RAP1GDS1: variants seen among roughly 807,000 people sequenced by gnomAD.
RAP1GDS1 encodes the protein RAP1, GTP-GDP dissociation stimulator 1.
In RAP1GDS1, 35 loss-of-function variants were observed where a neutral mutation model predicts 71.1. The ratio of observed to expected loss-of-function variants is 0.49; its 90% confidence interval spans 0.38 to 0.65. The LOEUF is 0.65. RAP1GDS1 is among the 30% of genes least tolerant of loss of function. RAP1GDS1 has a pLI of 0.00. For synonymous variants in RAP1GDS1, 229 were observed against 243.1 expected, an observed-to-expected ratio of 0.94 and a Z score of 0.54; for missense variants, 663 against 706.1, an observed-to-expected ratio of 0.94 and a Z score of 0.69.
At chr4:98,380,306 C>T (rs751637055) in intron 5 of RAP1GDS1, among the ~76,000 whole-genome samples, 1 of 151,664 alleles carries the variant, frequency 6.6e-6, no homozygotes. Flanking sequence ...GGGGAGAAAG[C>T]TGAAATGTCT....
intron 2 of RAP1GDS1, among the ~76,000 whole-genome samples, chr4:98,340,878 G>A (rs1365150940): frequency 6.6e-6 from 1 of 152,074 alleles, no homozygotes; most frequent in Non-Finnish European, 1.5e-5. Context: ...CTTGAGGAGG[G>A]AGGGTGGGAG....
rs1381407188 is a variant in RAP1GDS1, at chr4:98,343,075, A to G, written c.113-64A>G. 3 of 1,470,468 alleles carry G rather than the reference A, an allele frequency of 2.0e-6. No homozygotes were observed. In the African/African-American group the frequency reaches 4.3e-5, roughly 21 times the overall value. 91.1% of individuals were successfully genotyped at this position (1,470,468 alleles called of 1,614,324 possible). On this transcript the variant is annotated intron_variant, in intron 2 of 14. Coordinates refer to ENST00000408927, the MANE Select transcript of RAP1GDS1 (RefSeq NM_001100427.2). Reference sequence around the variant, plus strand: ...AAAATTCTTGAAGAATTTATTGTAGATAATGGTTGTCAGTGTTAGCATTAA... The same window carrying G: ...AAAATTCTTGAAGAATTTATTGTAGGTAATGGTTGTCAGTGTTAGCATTAA...
Position 98,261,529 on chromosome 4 carries a change from G to A in RAP1GDS1, c.-37G>A, listed in dbSNP as rs749483104. 7 of 1,592,798 alleles carry A rather than the reference G, an allele frequency of 4.4e-6. No individual in the cohort carries two copies. The highest frequency in any genetic ancestry group is 6.0e-6 in the Non-Finnish European group (7 of 1,168,122). Reference sequence around the variant, plus strand: ...CGCGCCGCCCGCACCACAGACCTTCGCCTCGCCCCGCCGGTTCCTCACCCT... The same window carrying A: ...CGCGCCGCCCGCACCACAGACCTTCACCTCGCCCCGCCGGTTCCTCACCCT... On this transcript the variant is annotated 5_prime_UTR_variant, in exon 1 of 15. Coordinates refer to ENST00000408927, the MANE Select transcript of RAP1GDS1 (RefSeq NM_001100427.2).
chr4:98,381,718 G>T (rs187646286), intron 5 of RAP1GDS1, among the ~76,000 whole-genome samples: 1 of 151,504 alleles, frequency 6.6e-6, no homozygotes, highest in Non-Finnish European at 1.5e-5. Context: ...GTGACAAATA[G>T]CTTTTTCCTG....
chr4:98,319,393 C>T (rs1203775339), intron 2 of RAP1GDS1, among the ~76,000 whole-genome samples: 1 of 152,092 alleles, frequency 6.6e-6, no homozygotes, highest in Non-Finnish European at 1.5e-5. Flanking sequence ...GTATAGGTTT[C>T]CTCATACTTT....
In RAP1GDS1 at chr4:98,409,044, GA is replaced by G. The variant is rs539726197; in HGVS notation, c.763+4450del. 2.6e-5 allele frequency among the ~76,000 whole-genome samples: 4 copies of G among 151,730 alleles called. No homozygotes were observed. The South Asian group carries it at 8.3e-4, about 32-fold the overall frequency. Reference sequence around the variant, plus strand: ...ATCCAGTGCATTAAAGAGAATAAAAGAAAAAAAATTAAGATAAAGCAATAAA... The same window carrying G: ...ATCCAGTGCATTAAAGAGAATAAAAGAAAAAAATTAAGATAAAGCAATAAA... On this transcript the variant is annotated intron_variant, in intron 7 of 14. Transcript: ENST00000408927.
rs556883619 is a variant in RAP1GDS1, at chr4:98,417,142, A to G, written c.908-225A>G. 9.8e-4 allele frequency among the ~76,000 whole-genome samples: 150 copies of G among 152,342 alleles called. 1 individual carries two copies. Among genetic ancestry groups the G allele is most frequent in the African/African-American group, 3.4e-3 (141 of 41,586 alleles). On this transcript the variant is annotated intron_variant, in intron 8 of 14. Transcript: ENST00000408927. ...GAGATAGCTTTGGCACCAAGGGACTAAAGAAAAGCTAGATGGCTCCCTGGG... is the reference window on the plus strand; with the variant it reads ...GAGATAGCTTTGGCACCAAGGGACTGAAGAAAAGCTAGATGGCTCCCTGGG...
intron 12 of RAP1GDS1, among the ~76,000 whole-genome samples, chr4:98,430,353 T>C (rs1398029882): frequency 6.6e-6 from 1 of 152,238 alleles, no homozygotes; most frequent in Non-Finnish European, 1.5e-5. Context: ...GCCTTGATTC[T>C]CACACTTTAA....
chr4:98,434,113 AAG>A (rs1264909330), intron 13 of RAP1GDS1, 51 bp downstream of exon 13: 9 of 1,593,318 alleles, frequency 5.6e-6, no homozygotes, highest in Non-Finnish European at 6.9e-6. Context: ...TCTTGGATGA[AAG>A]GAAGTATAGA....
chr4:98,427,092 C>T (rs529085425), intron 12 of RAP1GDS1, among the ~76,000 whole-genome samples: 1 of 152,172 alleles, frequency 6.6e-6, no homozygotes, highest in South Asian at 2.1e-4. Flanking sequence ...TGTGACACAC[C>T]ACATAAACAG....
intron 4 of RAP1GDS1, among the ~76,000 whole-genome samples, chr4:98,365,254 C>T (rs922748208): frequency 4.6e-5 from 7 of 152,034 alleles, no homozygotes; most frequent in Non-Finnish European, 8.8e-5. Context: ...CAGGTATGTT[C>T]TTCAAGTTTG....
intron 4 of RAP1GDS1, among the ~76,000 whole-genome samples, chr4:98,355,696 A>G (rs538027026): frequency 6.6e-6 from 1 of 152,336 alleles, no homozygotes; most frequent in East Asian, 1.9e-4. Context: ...AAGAATTACC[A>G]TAAAATCCGT....
intron 7 of RAP1GDS1, among the ~76,000 whole-genome samples, chr4:98,415,593 G>A (rs2110180015): frequency 6.6e-6 from 1 of 152,230 alleles, no homozygotes; most frequent in African/African-American, 2.4e-5. Context: ...GCAAATATAA[G>A]CTCTTCAGTG....
chr4:98,278,116 G>A (rs1046247957), intron 1 of RAP1GDS1, among the ~76,000 whole-genome samples: 2 of 152,042 alleles, frequency 1.3e-5, no homozygotes, highest in Non-Finnish European at 2.9e-5. Context: ...TGAGAATCAC[G>A]TGAACCCGGG....
At chr4:98,413,030 G>A (rs967299465) in intron 7 of RAP1GDS1, among the ~76,000 whole-genome samples, 2 of 152,040 alleles carry the variant, frequency 1.3e-5, no homozygotes, top group Non-Finnish European at 2.9e-5. Context: ...AACAGCGTTC[G>A]AGAGCAGAGA....
At position 98,265,955 on chromosome 4, in the gene RAP1GDS1, A is replaced by G. The variant is rs369402013; in HGVS notation, c.4+4386A>G. ...GTCAGTTGTAAAGGCTAAGTGAATA[A>G]TAAGTGGAAACAGTTCACTAGGTAT... is the stretch of plus-strand genomic sequence containing the variant. On this transcript the variant is annotated intron_variant, in intron 1 of 14. Transcript: ENST00000408927. 1.5e-4 allele frequency among the ~76,000 whole-genome samples: 23 copies of G among 152,252 alleles called. 1 individual carries two copies. In the East Asian group the frequency reaches 2.9e-3, roughly 19 times the overall value.
In RAP1GDS1 at chr4:98,272,552, C is replaced by A. The variant is rs571944474; in HGVS notation, c.4+10983C>A. Among the ~76,000 whole-genome samples the A allele has an allele frequency of 1.1e-3, 172 of 152,266 alleles. 1 individual carries two copies. The South Asian group carries it at 0.018, about 16-fold the overall frequency. ...CGTTGTCATGGAGAAGAATTGGGCC[C>A]TTTCTGTTGACCAGTGCCAGCTGCA... is the stretch of plus-strand genomic sequence containing the variant. On this transcript the variant is annotated intron_variant, in intron 1 of 14. Coordinates refer to ENST00000408927, the MANE Select transcript of RAP1GDS1 (RefSeq NM_001100427.2).
At chr4:98,337,210 C>T (rs571626819) in intron 2 of RAP1GDS1, among the ~76,000 whole-genome samples, 12 of 152,062 alleles carry the variant, frequency 7.9e-5, no homozygotes, top group Non-Finnish European at 1.8e-4. Context: ...TCTGTTTCAG[C>T]CTGCTTCATT....
chr4:98,443,118 G>A lies in RAP1GDS1; in HGVS notation c.*1001G>A, dbSNP rs1752094493. ...TTAAATCTTATGTTAGAACTAGCAG[G>A]ACGTAGGTGGAAAGATGAAGAAATA... On this transcript the variant is annotated 3_prime_UTR_variant, in exon 15 of 15. Coordinates refer to ENST00000408927, the MANE Select transcript of RAP1GDS1 (RefSeq NM_001100427.2). 1 of 226,652 alleles carries A rather than the reference G, an allele frequency of 4.4e-6. No homozygotes were observed. Among genetic ancestry groups the A allele is most frequent in the South Asian group, 1.8e-4 (1 of 5,430 alleles). 14.0% of individuals were successfully genotyped at this position (226,652 alleles called of 1,614,324 possible).
Sources: allele counts gnomAD v4.1 joint callset (sites outside exome capture counted in the v4.1 genomes callset), GRCh38; gene constraint gnomAD v4.1.1; transcripts MANE v1.5; gene names NCBI Gene and HGNC (gene_info 2026-07-23, HGNC 2026-07-21).